TUSC3: variants seen among roughly 807,000 people sequenced by gnomAD.
TUSC3 encodes the protein dolichyl-diphosphooligosaccharide--protein glycosyltransferase subunit TUSC3.
In TUSC3, 45 loss-of-function variants were observed where a neutral mutation model predicts 44.8. The ratio of observed to expected loss-of-function variants is 1.00; its 90% CI spans 0.79 to 1.29. TUSC3 has a LOEUF of 1.29. Among genes scored for constraint, TUSC3 ranks in the 50% most tolerant of loss-of-function variants. TUSC3 has a pLI of 0.00. For synonymous variants in TUSC3, 212 were observed against 152.9 expected, an observed-to-expected ratio of 1.39 and a Z score of -2.85; for missense variants, 519 against 437.9, an observed-to-expected ratio of 1.19 and a Z score of -1.65.
chr8:15,618,231 T>A (rs758396936), intron 1 of TUSC3, among the ~76,000 whole-genome samples: 1 of 152,234 alleles, frequency 6.6e-6, no homozygotes, highest in Non-Finnish European at 1.5e-5. Context: ...ACGCTTAGGC[T>A]TTATCGAAAG....
At chr8:15,526,252 C>G (rs147000824) in intron 2 of TUSC3, among the ~76,000 whole-genome samples, 3,048 of 152,160 alleles carry the variant, frequency 0.02, 104 homozygotes, top group East Asian at 0.14. Flanking sequence ...CCAGGGTGGT[C>G]TCGATCTCCT....
chr8:15,649,775 C>G (rs1472902776), intron 2 of TUSC3, among the ~76,000 whole-genome samples: 1 of 152,098 alleles, frequency 6.6e-6, no homozygotes, highest in Non-Finnish European at 1.5e-5. Context: ...ATTTGTGGAA[C>G]TCTTTCTGCT....
intron 2 of TUSC3, among the ~76,000 whole-genome samples, chr8:15,483,770 C>G (rs1212875704): frequency 2.0e-5 from 3 of 150,332 alleles, no homozygotes; most frequent in Admixed American, 1.3e-4. Context: ...ATTCTCCTGC[C>G]TCAGCCTCCC....
At chr8:15,841,870 G>C in the TUSC3 span, among the ~76,000 whole-genome samples, 1 of 152,110 alleles carries the variant, frequency 6.6e-6, no homozygotes, top group Non-Finnish European at 1.5e-5. Context: ...ACTCCATTTA[G>C]AATGAATTCA....
chr8:15,501,171 G>A (rs1585067432), intron 2 of TUSC3, among the ~76,000 whole-genome samples: 1 of 152,128 alleles, frequency 6.6e-6, no homozygotes, highest in African/African-American at 2.4e-5. Flanking sequence ...AACCACAAAA[G>A]ACTGCAAGGT....
At chr8:15,609,353 G>C (rs1395750932) in intron 1 of TUSC3, among the ~76,000 whole-genome samples, 1 of 152,106 alleles carries the variant, frequency 6.6e-6, no homozygotes, top group Non-Finnish European at 1.5e-5. Flanking sequence ...CATTTACACT[G>C]GTAATAGTCA....
chr8:15,703,478 G>C (rs917659893), intron 6 of TUSC3, among the ~76,000 whole-genome samples: 2 of 151,896 alleles, frequency 1.3e-5, no homozygotes, highest in African/African-American at 2.4e-5. Flanking sequence ...AACAGCTTTG[G>C]GCAGCCTTGT....
chr8:15,538,810 C>G (rs190461907), upstream of TUSC3, among the ~76,000 whole-genome samples: 1 of 151,586 alleles, frequency 6.6e-6, no homozygotes, highest in Non-Finnish European at 1.5e-5. Flanking sequence ...AACAATTATA[C>G]GTATATATTC....
chr8:15,803,174 C>G, the TUSC3 span, among the ~76,000 whole-genome samples: 6 of 151,838 alleles, frequency 4.0e-5, no homozygotes, highest in Middle Eastern at 3.4e-3. Context: ...GAGTCATTTC[C>G]AAATTGCCTA....
chr8:15,626,272 C>T (rs985830012), intron 2 of TUSC3, among the ~76,000 whole-genome samples: 57 of 152,296 alleles, frequency 3.7e-4, no homozygotes, highest in African/African-American at 1.3e-3. Flanking sequence ...GCCAGACAGT[C>T]CCTGAAGCTA....
chr8:15,715,216 A>T (rs1167341367), intron 6 of TUSC3, among the ~76,000 whole-genome samples: 1 of 152,148 alleles, frequency 6.6e-6, no homozygotes, highest in African/African-American at 2.4e-5. Context: ...GTTTTTTCCT[A>T]AACATGCATA....
downstream of TUSC3, among the ~76,000 whole-genome samples, chr8:15,770,590 G>A (rs113299263): frequency 5.7e-4 from 86 of 152,050 alleles, no homozygotes; most frequent in African/African-American, 1.8e-3. Context: ...TATAAATTCC[G>A]ATGTTGAAAA....
chr8:15,657,985 A>C (rs761866870), intron 3 of TUSC3, among the ~76,000 whole-genome samples: 25 of 152,194 alleles, frequency 1.6e-4, no homozygotes, highest in Non-Finnish European at 3.2e-4. Flanking sequence ...GAGCAGGCTC[A>C]ACTTGCACTT....
intron 5 of TUSC3, among the ~76,000 whole-genome samples, chr8:15,665,248 C>G (rs986041542): frequency 2.0e-5 from 3 of 151,336 alleles, no homozygotes; most frequent in African/African-American, 7.3e-5. Context: ...TAGACAACTT[C>G]CATAGAACAA....
chr8:15,421,288 C>T (rs1447043840), intron 1 of TUSC3, among the ~76,000 whole-genome samples: 2 of 152,194 alleles, frequency 1.3e-5, no homozygotes, highest in Non-Finnish European at 2.9e-5. Context: ...CAGGCCCTAT[C>T]ACATCCGACT....
intron 1 of TUSC3, among the ~76,000 whole-genome samples, chr8:15,449,599 G>A (rs1435499183): frequency 2.0e-5 from 3 of 152,106 alleles, no homozygotes. Flanking sequence ...AAAGCCTAAT[G>A]GAGGTTATTG....
intron 1 of TUSC3, among the ~76,000 whole-genome samples, chr8:15,599,579 G>T (rs536478737): frequency 2.6e-5 from 4 of 151,638 alleles, no homozygotes; most frequent in Admixed American, 6.6e-5. Context: ...CATTAGGTCT[G>T]ATTCATACAG....
chr8:15,787,103 G>C, the TUSC3 span, among the ~76,000 whole-genome samples: 1 of 152,050 alleles, frequency 6.6e-6, no homozygotes, highest in Non-Finnish European at 1.5e-5. Context: ...GCTTCTGTGA[G>C]TTAATTTATA....
intron 8 of TUSC3, 150 bp downstream of exon 8, chr8:15,743,762 A>G (rs1811293698): frequency 2.3e-6 from 2 of 853,746 alleles, no homozygotes; most frequent in African/African-American, 1.7e-5. Context: ...TATTGCTGGG[A>G]TGTGTTCATA....
Sources: gnomAD v4.1 joint callset for allele counts (sites outside exome capture counted in the v4.1 genomes callset) on GRCh38, gnomAD v4.1.1 for gene constraint, MANE v1.5 for transcripts, NCBI Gene and HGNC (gene_info 2026-07-23, HGNC 2026-07-21) for gene names.